Variants in PIK3CD observed in about 807,000 individuals in gnomAD.
PIK3CD encodes phosphatidylinositol 4,5-bisphosphate 3-kinase catalytic subunit delta isoform.
Under a neutral mutation model 122.9 loss-of-function variants are expected in PIK3CD, and 20 were observed. The ratio of observed to expected loss-of-function variants is 0.16; its 90% CI spans 0.11 to 0.24. The LOEUF (loss-of-function observed/expected upper bound fraction) is 0.24, where lower values mean the gene tolerates loss of function less well. PIK3CD is among the 10% of genes least tolerant of loss of function. The pLI, the probability that PIK3CD is intolerant of heterozygous loss-of-function variation, is 1.00. For synonymous variants in PIK3CD, 596 were observed against 593.4 expected (o/e 1.00, Z -0.06); for missense variants, 787 against 1,406.3 (o/e 0.56, Z 7.04).
At position 9,727,074 on chromosome 1, in the gene PIK3CD, G is replaced by T; in HGVS notation, c.*28G>T. 1 of 1,613,880 alleles carries T rather than the reference G, an allele frequency of 6.2e-7. No individual in the cohort carries two copies. Among genetic ancestry groups the T allele is most frequent in the East Asian group, 2.2e-5 (1 of 44,878 alleles). ...GCTCCTCCCAGCCCTGGGCCCAAGA[G>T]GAGGCGGCTGCGGGTCGTGGGGACC... On this transcript the variant is annotated 3_prime_UTR_variant, in exon 24 of 24. Coordinates refer to ENST00000377346, the MANE Select transcript of PIK3CD (RefSeq NM_005026.5).
the PIK3CD span, among the ~76,000 whole-genome samples, chr1:9,635,633 G>T: frequency 6.6e-6 from 1 of 152,242 alleles, no homozygotes; most frequent in Non-Finnish European, 1.5e-5. Context: ...AGTCACACCT[G>T]ACTGGAGACT....
At chr1:9,640,464 C>T in the PIK3CD span, among the ~76,000 whole-genome samples, 2 of 146,386 alleles carry the variant, frequency 1.4e-5, no homozygotes, top group South Asian at 2.2e-4. Flanking sequence ...CCTGTAATCC[C>T]AGCTACTTGG....
rs1649015995 is a variant in PIK3CD, at chr1:9,723,493, A to G, written c.2594+201A>G. On this transcript the variant is annotated intron_variant, in intron 20 of 23. Transcript: ENST00000377346. This position sits in a 1 kb window ranked among gnomAD's most constrained non-coding sequence, Gnocchi z 4.9. Reference sequence around the variant, plus strand: ...AAGTATCAGTGTCTCTTGCTATGCAACACCATCCAAAGCGCAGGGCTTTAA... The same window carrying G: ...AAGTATCAGTGTCTCTTGCTATGCAGCACCATCCAAAGCGCAGGGCTTTAA... 6.6e-6 allele frequency among the ~76,000 whole-genome samples: 1 copy of G among 152,168 alleles called. No homozygotes were observed. Among genetic ancestry groups the G allele is most frequent in the Non-Finnish European group, 1.5e-5 (1 of 68,028 alleles).
At chr1:9,663,134 T>A (rs1645056183) in intron 1 of PIK3CD, among the ~76,000 whole-genome samples, 1 of 152,158 alleles carries the variant, frequency 6.6e-6, no homozygotes, top group South Asian at 2.1e-4. Context: ...TCTGTTCTGG[T>A]TTGGCTCTGG....
chr1:9,724,255 C>T lies in PIK3CD; in HGVS notation c.2719-21C>T, dbSNP rs764827653. The stretch of plus-strand genomic sequence containing the variant: ...TGTCTGACACCTTCTCAATCCTCCC[C>T]CTCCTCTCCCCTCCCCTCAGCTGTT... On this transcript the variant is annotated intron_variant, in intron 21 of 23. Transcript: ENST00000377346. This position sits in a 1 kb window ranked among gnomAD's most constrained non-coding sequence, Gnocchi z 7.3. The T allele has an allele frequency of 2.3e-5, 37 of 1,613,862 alleles. No homozygotes were observed. Among genetic ancestry groups the T allele is most frequent in the Non-Finnish European group, 3.0e-5 (35 of 1,179,976 alleles).
chr1:9,627,605 C>G, the PIK3CD span, among the ~76,000 whole-genome samples: 1 of 152,310 alleles, frequency 6.6e-6, no homozygotes, highest in East Asian at 1.9e-4. Flanking sequence ...GAGTTCTCAT[C>G]CAGGTCTGGC....
chr1:9,726,918 G>A lies in PIK3CD; in HGVS notation c.3007G>A (p.Ala1003Thr). The stretch of plus-strand genomic sequence containing the variant: ...TGTGATTTGTTTGCAGGACTCCCTG[G>A]CACTGGGGAAAACAGAGGAGGAGGC... The part of the protein sequence containing the change: ...KDIQYLKDSL[A>T]LGKTEEEALK... Residue 1003 changes from alanine to threonine, a missense_variant, in exon 24 of 24, where the codon GCA (alanine) becomes ACA (threonine). Transcript: ENST00000377346. 1 of 1,613,842 alleles carries A rather than the reference G, an allele frequency of 6.2e-7. No homozygotes were observed. Among genetic ancestry groups the A allele is most frequent in the Non-Finnish European group, 8.5e-7 (1 of 1,179,858 alleles).
chr1:9,701,998 GGTT>G (rs1377569605), intron 2 of PIK3CD, among the ~76,000 whole-genome samples: 1 of 150,170 alleles, frequency 6.7e-6, no homozygotes, highest in Non-Finnish European at 1.5e-5. Flanking sequence ...TTGTTTTTTT[GGTT>G]TTTTTTTTTT....
chr1:9,664,204 A>G (rs1645094773), intron 1 of PIK3CD, among the ~76,000 whole-genome samples: 1 of 151,988 alleles, frequency 6.6e-6, no homozygotes, highest in Non-Finnish European at 1.5e-5. Flanking sequence ...AGACATCACC[A>G]TGCTCGGCTA....
At chr1:9,677,709 C>T (rs1461130868) in intron 1 of PIK3CD, among the ~76,000 whole-genome samples, 2 of 151,338 alleles carry the variant, frequency 1.3e-5, no homozygotes, top group African/African-American at 4.9e-5. Flanking sequence ...CGTGATCTTC[C>T]AGATCGTGCA....
rs546244841 is a variant in PIK3CD at position 9,728,772 on chromosome 1, G to A, written c.*1726G>A. Reference sequence around the variant, plus strand: ...TCTGGTTTTGGGTGTACAGTCTTGTGTGCCTGGCGAGAAGAATATTTTCTA... The same window carrying A: ...TCTGGTTTTGGGTGTACAGTCTTGTATGCCTGGCGAGAAGAATATTTTCTA... On this transcript the variant is annotated 3_prime_UTR_variant, in exon 24 of 24. Transcript: ENST00000377346. 1 of 152,226 alleles carries A rather than the reference G, an allele frequency of 6.6e-6. No homozygotes were observed. Among genetic ancestry groups the A allele is most frequent in the African/African-American group, 2.4e-5 (1 of 41,440 alleles). The allele number at this position is 152,226 out of a possible 1,614,324, so 9.4% of individuals were successfully genotyped here.
rs372847419 is a variant in PIK3CD at position 9,723,161 on chromosome 1, C to T, written c.2463C>T (p.Arg821=). The T allele has an allele frequency of 6.8e-6, 11 of 1,613,632 alleles. No individual in the cohort carries two copies. Among genetic ancestry groups the T allele is most frequent in the African/African-American group, 1.3e-5 (1 of 74,914 alleles). ...ATGGCTGCCTCCCCACCGGGGACCG[C>T]ACAGGCCTCATTGAGGTGGTACTCC... ...TPYGCLPTGD[R]TGLIEVVLRS... Residue 821 remains arginine (R), a synonymous_variant, in exon 20 of 24, where the codon CGC becomes CGT. Coordinates refer to ENST00000377346, the MANE Select transcript of PIK3CD (RefSeq NM_005026.5). The surrounding 1 kb of genome is among the most constrained non-coding windows in gnomAD (Gnocchi z 4.9).
intron 2 of PIK3CD, among the ~76,000 whole-genome samples, chr1:9,695,930 A>C (rs1247567409): frequency 1.3e-5 from 2 of 151,934 alleles, no homozygotes; most frequent in Non-Finnish European, 2.9e-5. Context: ...ATTCTGAGGG[A>C]AATTAATTCT....
In PIK3CD at chr1:9,710,427, A is replaced by C. The variant is rs2100768477; in HGVS notation, c.-29A>C. 2 of 1,613,716 alleles carry C rather than the reference A, an allele frequency of 1.2e-6. No individual in the cohort carries two copies. The highest frequency in any genetic ancestry group is 2.2e-5 in the South Asian group (2 of 91,076). On this transcript the variant is annotated 5_prime_UTR_variant, in exon 3 of 24. Coordinates refer to ENST00000377346, the MANE Select transcript of PIK3CD (RefSeq NM_005026.5). The surrounding 1 kb of genome is among the most constrained non-coding windows in gnomAD (Gnocchi z 4.7). Reference sequence around the variant, plus strand: ...TTTGCCATTTCTTCATTTTTAGGACAACTGTCATCTGGGAAGTAACAACGC... The same window carrying C: ...TTTGCCATTTCTTCATTTTTAGGACCACTGTCATCTGGGAAGTAACAACGC...
intron 2 of PIK3CD, among the ~76,000 whole-genome samples, chr1:9,696,701 C>CTCAG (rs969800281): frequency 2.7e-5 from 4 of 149,710 alleles, no homozygotes; most frequent in African/African-American, 9.9e-5. Flanking sequence ...CACCACTGTA[C>CTCAG]TCAGCCTGGA....
chr1:9,633,270 T>C, the PIK3CD span, among the ~76,000 whole-genome samples: 2 of 152,146 alleles, frequency 1.3e-5, no homozygotes, highest in Non-Finnish European at 2.9e-5. Context: ...TTTTCAACTC[T>C]CGTAAAACGC....
intron 1 of PIK3CD, among the ~76,000 whole-genome samples, chr1:9,671,099 C>T (rs957638135): frequency 2.0e-5 from 3 of 150,658 alleles, no homozygotes; most frequent in African/African-American, 4.9e-5. Context: ...CTCTACTGTC[C>T]AGGGGCTGGT....
rs941911194 is a variant in PIK3CD, at chr1:9,704,309, G to A, written c.-32-6115G>A. ...AGAGTGCTAAGGGGCAGGAGAGTGA[G>A]GGGTGTATTTTCCTGGAACCCAGGC... On this transcript the variant is annotated intron_variant, in intron 2 of 23. Transcript: ENST00000377346. The surrounding 1 kb of genome is among the most constrained non-coding windows in gnomAD (Gnocchi z 5.0). Among the ~76,000 whole-genome samples the A allele has an allele frequency of 1.3e-5, 2 of 152,212 alleles. No individual in the cohort carries two copies. Among genetic ancestry groups the A allele is most frequent in the African/African-American group, 4.8e-5 (2 of 41,450 alleles).
intron 1 of PIK3CD, chr1:9,654,683 C>T (rs1482683624): frequency 1.7e-5 from 6 of 351,040 alleles, no homozygotes. Flanking sequence ...CAGTTCCCGC[C>T]CTCCCTGAGG....
Sources: gnomAD v4.1 joint callset for allele counts (sites outside exome capture counted in the v4.1 genomes callset) on GRCh38, gnomAD v4.1.1 for gene constraint, Gnocchi (gnomAD v3.1) non-coding constraint, MANE v1.5 for transcripts, NCBI Gene and HGNC (gene_info 2026-07-23, HGNC 2026-07-21) for gene names.